Variants in RNF4 observed in about 807,000 individuals in gnomAD.
RNF4 encodes ring finger protein 4.
Under a neutral mutation model 24.3 loss-of-function variants are expected in RNF4, and 7 were observed. The ratio of observed to expected loss-of-function variants is 0.29; its 90% CI spans 0.16 to 0.54. The LOEUF is 0.54. Among genes scored for constraint, RNF4 ranks in the 20% least tolerant of loss-of-function variants. The pLI, the probability that RNF4 is intolerant of heterozygous loss-of-function variation, is 0.95. For missense variants in RNF4, 209 were observed against 248.5 expected (o/e 0.84, Z 1.07); for synonymous variants, 83 against 84.3 (o/e 0.98, Z 0.09).
intron 1 of RNF4, among the ~76,000 whole-genome samples, chr4:2,488,095 G>A (rs1356749372): frequency 1.3e-5 from 2 of 152,228 alleles, no homozygotes; most frequent in African/African-American, 4.8e-5. Flanking sequence ...CAGAGGCTGT[G>A]TTTGCTCATT....
intron 7 of RNF4, 145 bp downstream of exon 7, chr4:2,513,276 T>C: frequency 1.2e-6 from 1 of 800,668 alleles, no homozygotes; most frequent in Admixed American, 1.9e-5. Context: ...CAGATCTGCC[T>C]GTGAGGGGAG....
chr4:2,472,883 A>T (rs1292422258), intron 1 of RNF4, among the ~76,000 whole-genome samples: 1 of 151,734 alleles, frequency 6.6e-6, no homozygotes, highest in Non-Finnish European at 1.5e-5. Flanking sequence ...TACTAAAAAT[A>T]CAAAAAATTA....
intron 7 of RNF4, 136 bp from the exon 8 acceptor site, chr4:2,513,534 A>G: frequency 1.0e-6 from 1 of 1,001,886 alleles, no homozygotes; most frequent in Non-Finnish European, 1.5e-6. Context: ...AGCTCTCCAG[A>G]CCCCTCCCTG....
chr4:2,476,037 A>G (rs2108749748), intron 1 of RNF4, among the ~76,000 whole-genome samples: 1 of 152,296 alleles, frequency 6.6e-6, no homozygotes. Flanking sequence ...ACCGCAGAGG[A>G]GTCTGATAAT....
intron 3 of RNF4, among the ~76,000 whole-genome samples, chr4:2,497,913 C>G (rs919812041): frequency 2.0e-5 from 3 of 152,156 alleles, no homozygotes; most frequent in Non-Finnish European, 4.4e-5. Context: ...GTATTACAGG[C>G]GTGAGCCACT....
intron 1 of RNF4, among the ~76,000 whole-genome samples, chr4:2,472,663 G>C (rs1366045189): frequency 1.3e-5 from 2 of 151,380 alleles, no homozygotes; most frequent in African/African-American, 2.4e-5. Context: ...TAAGGCTACA[G>C]CTACATAGAT....
At chr4:2,503,682 G>A (rs1349369355) in intron 4 of RNF4, among the ~76,000 whole-genome samples, 1 of 152,226 alleles carries the variant, frequency 6.6e-6, no homozygotes, top group Non-Finnish European at 1.5e-5. Flanking sequence ...TGTTTGGGAG[G>A]CCTCTAATGC....
At chr4:2,490,811 ATTGT>A (rs1735557726) in intron 2 of RNF4, 2 of 257,422 alleles carry the variant, frequency 7.8e-6, no homozygotes, top group Admixed American at 4.9e-5. Flanking sequence ...GCTTTTTAAA[ATTGT>A]TTGTAGACTG....
intron 3 of RNF4, among the ~76,000 whole-genome samples, chr4:2,498,789 G>A (rs533439559): frequency 6.6e-6 from 1 of 152,126 alleles, no homozygotes; most frequent in Non-Finnish European, 1.5e-5. Context: ...AGTGTGGGAG[G>A]CTGAGGTAGG....
intron 4 of RNF4, among the ~76,000 whole-genome samples, chr4:2,504,524 T>TTTTA (rs148529651): frequency 0.29 from 40,524 of 140,584 alleles, 6,424 homozygotes; most frequent in Non-Finnish European, 0.35. Flanking sequence ...GTTTTATAGC[T>TTTTA]TTTATTTATT....
At chr4:2,478,971 G>A (rs1290828075) in intron 1 of RNF4, among the ~76,000 whole-genome samples, 2 of 152,250 alleles carry the variant, frequency 1.3e-5, no homozygotes, top group East Asian at 3.8e-4. Flanking sequence ...CCGGGAGGGA[G>A]GCTGTACTCT....
rs61616696 is a variant in RNF4 at position 2,502,843 on chromosome 4, C to CA, written c.204+2120dup. Among the ~76,000 whole-genome samples, 1,198 of 130,752 alleles carry CA rather than the reference C, an allele frequency of 9.2e-3. 21 individuals are homozygous for CA. The highest frequency in any genetic ancestry group is 0.026 in the African/African-American group (919 of 35,480). 85.8% of individuals were successfully genotyped at this position (130,752 alleles called of 152,430 possible). On this transcript the variant is annotated intron_variant, in intron 4 of 7. Transcript: ENST00000314289. ...TGGGCGACAGAGCAAGACTCTGTCT[C>CA]AAAAAAAAAAAAAAAGAAAAGAAAA...
At chr4:2,486,059 T>G (rs1020349473) in intron 1 of RNF4, among the ~76,000 whole-genome samples, 9 of 152,170 alleles carry the variant, frequency 5.9e-5, no homozygotes, top group African/African-American at 2.2e-4. Flanking sequence ...CTGCCCTGGT[T>G]TAAGTCTAGG....
chr4:2,498,078 T>A (rs1299719603), intron 3 of RNF4, among the ~76,000 whole-genome samples: 1 of 152,246 alleles, frequency 6.6e-6, no homozygotes, highest in Admixed American at 6.5e-5. Flanking sequence ...GCTAGGATCC[T>A]GGCTCTAGAC....
At chr4:2,486,928 C>G (rs1375698019) in intron 1 of RNF4, among the ~76,000 whole-genome samples, 1 of 152,132 alleles carries the variant, frequency 6.6e-6, no homozygotes, top group Admixed American at 6.6e-5. Flanking sequence ...TTCTTGAGAT[C>G]AGAAACATTC....
intron 1 of RNF4, among the ~76,000 whole-genome samples, chr4:2,479,235 T>C (rs1029380347): frequency 2.6e-5 from 4 of 152,258 alleles, no homozygotes; most frequent in Non-Finnish European, 5.9e-5. Flanking sequence ...GCTTTTGATT[T>C]ACAGGCTCAT....
At chr4:2,500,527 T>C in intron 3 of RNF4, 132 bp from the exon 4 acceptor site, 1 of 843,886 alleles carries the variant, frequency 1.2e-6, no homozygotes, top group Admixed American at 2.2e-5. Flanking sequence ...CTGGTGCTCT[T>C]TGCAGTGTAT....
At position 2,514,185 on chromosome 4, in the gene RNF4, C is replaced by T. The variant is rs1736348587; in HGVS notation, c.*366C>T. 1 of 245,876 alleles carries T rather than the reference C, an allele frequency of 4.1e-6. No individual in the cohort carries two copies. Among genetic ancestry groups the T allele is most frequent in the Non-Finnish European group, 8.1e-6 (1 of 123,708 alleles). The allele number at this position is 245,876 out of a possible 1,614,324, so 15.2% of individuals were successfully genotyped here. A position where few individuals can be genotyped will look rare whatever the true frequency, so the allele number is the denominator to read the frequency against. ...TTTCCCGGGCACACCACCTTTTGTC[C>T]CAAGTGTCTGCCGGTCGACCAATCT... On this transcript the variant is annotated 3_prime_UTR_variant, in exon 8 of 8. Coordinates refer to ENST00000314289, the MANE Select transcript of RNF4 (RefSeq NM_002938.5).
intron 4 of RNF4, among the ~76,000 whole-genome samples, chr4:2,510,508 C>A (rs1404400661): frequency 6.6e-6 from 1 of 152,232 alleles, no homozygotes; most frequent in African/African-American, 2.4e-5. Flanking sequence ...CAGGATGCAG[C>A]TGTGCCTGCC....
Sources: gnomAD v4.1 joint callset for allele counts (sites outside exome capture counted in the v4.1 genomes callset) on GRCh38, gnomAD v4.1.1 for gene constraint, MANE v1.5 for transcripts, NCBI Gene and HGNC (gene_info 2026-07-23, HGNC 2026-07-21) for gene names.